The following OTUD7A variants were observed in gnomAD, a reference collection of about 807,000 sequenced individuals.
The protein encoded by OTUD7A is OTU deubiquitinase 7A, also known as OTU domain-containing protein 7A.
In OTUD7A, 12 loss-of-function variants were observed where a neutral mutation model predicts 65.7. The ratio of observed to expected loss-of-function variants is 0.18; its 90% CI spans 0.12 to 0.30. The LOEUF (loss-of-function observed/expected upper bound fraction) is 0.30. OTUD7A is among the 10% of genes least tolerant of loss of function. OTUD7A has a pLI of 1.00. For synonymous variants in OTUD7A, 641 were observed against 586.3 expected (o/e 1.09, Z -1.35); for missense variants, 1,148 against 1,304.8 (o/e 0.88, Z 1.85).
At chr15:31,599,074 C>G (rs1889997487) in intron 3 of OTUD7A, among the ~76,000 whole-genome samples, 1 of 152,120 alleles carries the variant, frequency 6.6e-6, no homozygotes, top group Admixed American at 6.5e-5. Context: ...TGGCTGTGGG[C>G]GCAGCTTCAG....
chr15:31,751,721 T>TGTGTTTCATATAC (rs1894641435), intron 1 of OTUD7A, among the ~76,000 whole-genome samples: 1 of 152,200 alleles, frequency 6.6e-6, no homozygotes. Context: ...CACCATGGAA[T>TGTGTTTCATATAC]ACTCTGCAGC....
chr15:31,572,417 T>G (rs1889081480), intron 3 of OTUD7A, among the ~76,000 whole-genome samples: 1 of 152,212 alleles, frequency 6.6e-6, no homozygotes, highest in Non-Finnish European at 1.5e-5. Flanking sequence ...ATGCCTCAAT[T>G]TCTGATTATC....
At chr15:31,591,298 GC>G (rs968624296) in intron 3 of OTUD7A, among the ~76,000 whole-genome samples, 1 of 152,152 alleles carries the variant, frequency 6.6e-6, no homozygotes, top group African/African-American at 2.4e-5. Context: ...GTGGTCTGCA[GC>G]GGATACATGG....
rs1301979886 is a variant in OTUD7A, at chr15:31,860,687, A to G, written c.-100+9820T>C. On this transcript the variant is annotated intron_variant, in intron 1 of 12. Coordinates refer to ENST00000307050, the MANE Select transcript of OTUD7A (RefSeq NM_001382637.1). ...TATAGATGTATGTGTGTATATATATATATATATATATATGTATGTATATAT... is the reference window on the plus strand; with the variant it reads ...TATAGATGTATGTGTGTATATATATGTATATATATATATGTATGTATATAT... 1.3e-3 allele frequency among the ~76,000 whole-genome samples: 158 copies of G among 124,500 alleles called. 4 individuals carry two copies. Among genetic ancestry groups the G allele is most frequent in the Middle Eastern group, 3.8e-3 (1 of 262 alleles). The allele number at this position is 124,500 out of a possible 152,430, so 81.7% of individuals were successfully genotyped here.
At chr15:31,502,749 G>A (rs541702491) in intron 9 of OTUD7A, among the ~76,000 whole-genome samples, 1 of 152,326 alleles carries the variant, frequency 6.6e-6, no homozygotes, top group South Asian at 2.1e-4. Flanking sequence ...ACGCAGCAGT[G>A]CCCTGATGCA....
At chr15:31,630,245 C>T (rs1447584968) in intron 3 of OTUD7A, among the ~76,000 whole-genome samples, 3 of 147,726 alleles carry the variant, frequency 2.0e-5, no homozygotes, top group Admixed American at 6.8e-5. Flanking sequence ...ATAAATTTCC[C>T]TCCACACACC....
At chr15:31,640,354 G>A (rs1184522747) in intron 3 of OTUD7A, among the ~76,000 whole-genome samples, 1 of 151,898 alleles carries the variant, frequency 6.6e-6, no homozygotes, top group Non-Finnish European at 1.5e-5. Flanking sequence ...CCCCACTAAA[G>A]AACTTACTCA....
intron 5 of OTUD7A, among the ~76,000 whole-genome samples, chr15:31,547,757 C>A (rs1888178458): frequency 6.6e-6 from 1 of 152,060 alleles, no homozygotes; most frequent in Non-Finnish European, 1.5e-5. Flanking sequence ...CACCCCAAGG[C>A]CAACCACCTA....
intron 1 of OTUD7A, among the ~76,000 whole-genome samples, chr15:31,686,530 C>G (rs1457740700): frequency 6.6e-6 from 1 of 152,222 alleles, no homozygotes; most frequent in Non-Finnish European, 1.5e-5. Flanking sequence ...TGGGTTTGCT[C>G]CTGGGAAAGC....
chr15:31,526,334 A>C lies in OTUD7A; in HGVS notation c.893+15T>G. 6.4e-7 allele frequency: 1 copy of C among 1,574,698 alleles called. No individual in the cohort carries two copies. The highest frequency in any genetic ancestry group is 8.6e-7 in the Non-Finnish European group (1 of 1,164,694). On this transcript the variant is annotated intron_variant, in intron 8 of 12. Coordinates refer to ENST00000307050, the MANE Select transcript of OTUD7A (RefSeq NM_001382637.1). ...GCTGGAGGTGACTTCTGGGGAGAGC[A>C]GGGGCAGCACTTACCCCCCGCCCGT... is the stretch of plus-strand genomic sequence containing the variant.
At chr15:31,765,899 T>C in intron 1 of OTUD7A, 2 of 1,275,244 alleles carry the variant, frequency 1.6e-6, no homozygotes, top group Non-Finnish European at 2.3e-6. Context: ...TTAGTTTTTT[T>C]CTTTTCTCCT....
intron 3 of OTUD7A, among the ~76,000 whole-genome samples, chr15:31,610,593 T>TTATATATA (rs1244768576): frequency 1.0e-3 from 83 of 80,972 alleles, no homozygotes; most frequent in Non-Finnish European, 1.1e-3. Context: ...AAAAATGAAA[T>TTATATATA]TATATATATA....
chr15:31,648,962 T>C (rs1389179648), intron 3 of OTUD7A, among the ~76,000 whole-genome samples: 1 of 152,134 alleles, frequency 6.6e-6, no homozygotes, highest in Admixed American at 6.5e-5. Flanking sequence ...GGTTTCACCA[T>C]GTTAGCCAGG....
At chr15:31,766,005 C>T in intron 1 of OTUD7A, 7 of 1,549,856 alleles carry the variant, frequency 4.5e-6, no homozygotes, top group Non-Finnish European at 6.2e-6. Context: ...CTCCTGAGCA[C>T]TAATCTGCTT....
chr15:31,512,106 C>T (rs1014085360), intron 8 of OTUD7A, among the ~76,000 whole-genome samples: 1 of 152,154 alleles, frequency 6.6e-6, no homozygotes, highest in African/African-American at 2.4e-5. Flanking sequence ...GCTTTACTGC[C>T]CCGCAGCTTT....
intron 9 of OTUD7A, among the ~76,000 whole-genome samples, chr15:31,502,284 G>A (rs1028888199): frequency 2.0e-5 from 3 of 152,346 alleles, no homozygotes; most frequent in African/African-American, 7.2e-5. Context: ...GGACCAAGAT[G>A]TAAGTCAGAT....
intron 1 of OTUD7A, among the ~76,000 whole-genome samples, chr15:31,659,583 T>G (rs1338876123): frequency 6.6e-6 from 1 of 152,274 alleles, no homozygotes; most frequent in Non-Finnish European, 1.5e-5. Context: ...GCCTTTTAAA[T>G]GAAGGCAAGG....
rs577078940 is a variant in OTUD7A at position 31,498,994 on chromosome 15, G to A, written c.1171+2696C>T. Among the ~76,000 whole-genome samples, 47 of 152,220 alleles carry A rather than the reference G, an allele frequency of 3.1e-4. 3 individuals carry two copies. Among genetic ancestry groups the A allele is most frequent in the Admixed American group, 2.9e-3 (44 of 15,292 alleles). On this transcript the variant is annotated intron_variant, in intron 10 of 12. Transcript: ENST00000307050. The surrounding 1 kb of genome is among the most constrained non-coding windows in gnomAD (Gnocchi z 4.2). ...GCGGCATCAGCAGTAGCCGGGCCACGGCAGTAGCACCTATAAGAGGGGGCT... is the reference window on the plus strand; with the variant it reads ...GCGGCATCAGCAGTAGCCGGGCCACAGCAGTAGCACCTATAAGAGGGGGCT...
Position 31,861,217 on chromosome 15 carries a change from G to A in OTUD7A, c.-100+9290C>T, listed in dbSNP as rs530162520. On this transcript the variant is annotated intron_variant, in intron 1 of 12. Transcript: ENST00000307050. ...TTCACATGTTCAGTTAAGACCTAGA[G>A]AATATCCCCAGAGTGGGGACCCAAG... Among the ~76,000 whole-genome samples the A allele has an allele frequency of 5.7e-4, 87 of 152,228 alleles. No individual in the cohort carries two copies. The South Asian group carries it at 0.012, about 22-fold the overall frequency.
Sources: gnomAD v4.1 joint callset for allele counts (sites outside exome capture counted in the v4.1 genomes callset) on GRCh38, gnomAD v4.1.1 for gene constraint, Gnocchi (gnomAD v3.1) non-coding constraint, MANE v1.5 for transcripts, NCBI Gene and HGNC (gene_info 2026-07-23, HGNC 2026-07-21) for gene names.